MDGA2: variants seen among roughly 807,000 people sequenced by gnomAD.
The protein encoded by MDGA2 is MAM domain containing glycosylphosphatidylinositol anchor 2.
In MDGA2, 40 loss-of-function variants were observed where a neutral mutation model predicts 117.8. That is an observed-to-expected ratio of 0.34 (90% confidence interval 0.26 to 0.44). The LOEUF (loss-of-function observed/expected upper bound fraction) is 0.44. MDGA2 is among the 20% of genes least tolerant of loss of function. The probability of loss-of-function intolerance (pLI) is 1.00; values close to 1 mark genes in which losing one functional copy is unlikely to be tolerated. For missense variants in MDGA2, 1,123 were observed against 1,250.6 expected, an observed-to-expected ratio of 0.90 and a Z score of 1.54; for synonymous variants, 452 against 439.0, an observed-to-expected ratio of 1.03 and a Z score of -0.37.
chr14:47,608,133 T>C (rs1357424861), intron 1 of MDGA2, among the ~76,000 whole-genome samples: 2 of 152,156 alleles, frequency 1.3e-5, no homozygotes, highest in East Asian at 3.8e-4. Context: ...TTAATCTCCA[T>C]TGAGTAATAC....
intron 1 of MDGA2, among the ~76,000 whole-genome samples, chr14:47,604,220 G>T (rs1162889438): frequency 6.6e-6 from 1 of 151,950 alleles, no homozygotes; most frequent in Non-Finnish European, 1.5e-5. Context: ...CCTTCATGTT[G>T]GCAGTTCAAA....
rs532930517 is a variant in MDGA2, at chr14:46,941,194, ACTGT to A, written c.2089+16176_2089+16179del. On this transcript the variant is annotated intron_variant, in intron 9 of 16. Transcript: ENST00000399232. ...CAGTTGGATCCCGAGGCTCCTAGTA[ACTGT>A]CTTTGTCATACATTCTTTTAAAATA... 3.3e-5 allele frequency among the ~76,000 whole-genome samples: 5 copies of A among 152,326 alleles called. No homozygotes were observed. The South Asian group carries it at 1.0e-3, about 32-fold the overall frequency.
chr14:47,232,248 C>T (rs1886716404), intron 2 of MDGA2, among the ~76,000 whole-genome samples: 1 of 152,002 alleles, frequency 6.6e-6, no homozygotes, highest in Non-Finnish European at 1.5e-5. Context: ...AGTCAAGAAA[C>T]AGATCCAACA....
chr14:47,152,374 T>G (rs766370220), intron 3 of MDGA2, among the ~76,000 whole-genome samples: 1 of 152,150 alleles, frequency 6.6e-6, no homozygotes. Context: ...AATCAACTAA[T>G]GAATGCTATG....
intron 1 of MDGA2, among the ~76,000 whole-genome samples, chr14:47,541,732 AT>A (rs1202011285): frequency 6.6e-6 from 1 of 152,022 alleles, no homozygotes; most frequent in Non-Finnish European, 1.5e-5. Context: ...ACAATCTCTA[AT>A]TTTCTTACAG....
chr14:47,583,512 G>A (rs1261496379), intron 1 of MDGA2, among the ~76,000 whole-genome samples: 5 of 151,762 alleles, frequency 3.3e-5, no homozygotes, highest in East Asian at 1.9e-4. Flanking sequence ...TTTCAAATAC[G>A]TATGTTGAGT....
Position 47,242,749 on chromosome 14 carries a change from GC to G in MDGA2, c.421-24555del, listed in dbSNP as rs373377930. ...CACCCACTCCATGGGCCCCTGTGCG[GC>G]CCGAGCCTCCCCGACGAGCACCACC... On this transcript the variant is annotated intron_variant, in intron 2 of 16. Transcript: ENST00000399232. 6.8e-4 allele frequency among the ~76,000 whole-genome samples: 104 copies of G among 151,906 alleles called. 1 individual carries two copies. In the East Asian group the frequency reaches 0.017, roughly 26 times the overall value.
At chr14:47,298,683 CT>C (rs66784813) in intron 2 of MDGA2, among the ~76,000 whole-genome samples, 17,307 of 125,590 alleles carry the variant, frequency 0.14, 709 homozygotes, top group Middle Eastern at 0.2. Context: ...CTTAATTTTT[CT>C]TTTTTTTTTT....
chr14:46,988,842 CA>C (rs1359245148), intron 8 of MDGA2, among the ~76,000 whole-genome samples: 1 of 151,858 alleles, frequency 6.6e-6, no homozygotes, highest in Non-Finnish European at 1.5e-5. Flanking sequence ...ACTGTTTCTC[CA>C]CCATGACGCT....
At chr14:46,929,646 T>TACAC (rs1566530392) in intron 9 of MDGA2, among the ~76,000 whole-genome samples, 1 of 34,292 alleles carries the variant, frequency 2.9e-5, no homozygotes, top group Non-Finnish European at 5.4e-5. Flanking sequence ...TATATATATA[T>TACAC]ACATTTTTTT....
At chr14:47,066,801 T>G (rs1890100125) in intron 6 of MDGA2, among the ~76,000 whole-genome samples, 2 of 152,112 alleles carry the variant, frequency 1.3e-5, no homozygotes, top group Non-Finnish European at 2.9e-5. Context: ...AAAACCTGTT[T>G]CAGAAAATGG....
At chr14:47,176,316 G>C (rs899890904) in intron 3 of MDGA2, among the ~76,000 whole-genome samples, 2 of 152,054 alleles carry the variant, frequency 1.3e-5, no homozygotes, top group African/African-American at 4.8e-5. Context: ...AGTTCATATG[G>C]AACCAAAACA....
At chr14:47,322,195 G>T (rs531200891) in intron 1 of MDGA2, among the ~76,000 whole-genome samples, 1 of 152,132 alleles carries the variant, frequency 6.6e-6, no homozygotes, top group South Asian at 2.1e-4. Context: ...TGGGCCATAT[G>T]TCACAGAGCA....
intron 8 of MDGA2, among the ~76,000 whole-genome samples, chr14:46,972,778 C>A (rs77153959): frequency 0.059 from 9,039 of 152,078 alleles, 508 homozygotes; most frequent in Admixed American, 0.18. Flanking sequence ...TTAAGCGGGA[C>A]TCTATTGAAA....
chr14:47,096,388 G>C (rs1594615554), intron 6 of MDGA2, among the ~76,000 whole-genome samples: 1 of 151,854 alleles, frequency 6.6e-6, no homozygotes, highest in Non-Finnish European at 1.5e-5. Context: ...TCTGACAGTG[G>C]AATCCTGAGT....
At chr14:47,503,946 G>T (rs1014290242) in intron 1 of MDGA2, among the ~76,000 whole-genome samples, 1 of 152,064 alleles carries the variant, frequency 6.6e-6, no homozygotes, top group Non-Finnish European at 1.5e-5. Context: ...CTAAGTAAGG[G>T]TTCTCATCTT....
At chr14:47,464,471 A>C (rs1265036781) in intron 1 of MDGA2, among the ~76,000 whole-genome samples, 9 of 152,174 alleles carry the variant, frequency 5.9e-5, no homozygotes, top group Non-Finnish European at 1.5e-5. Context: ...CCTTTGGCTG[A>C]AAAACATCAA....
chr14:47,367,489 T>C (rs1480106862), intron 1 of MDGA2, among the ~76,000 whole-genome samples: 1 of 152,196 alleles, frequency 6.6e-6, no homozygotes, highest in Non-Finnish European at 1.5e-5. Context: ...TAATAATAAA[T>C]TTGATGTCAC....
intron 1 of MDGA2, among the ~76,000 whole-genome samples, chr14:47,560,814 TCA>T (rs1261243419): frequency 1.3e-5 from 2 of 152,206 alleles, no homozygotes; most frequent in African/African-American, 2.4e-5. Flanking sequence ...TCCAAGGTTT[TCA>T]CAGTTTTAGG....
Sources: gnomAD v4.1 joint callset for allele counts (sites outside exome capture counted in the v4.1 genomes callset) on GRCh38, gnomAD v4.1.1 for gene constraint, MANE v1.5 for transcripts, NCBI Gene and HGNC (gene_info 2026-07-23, HGNC 2026-07-21) for gene names.